Variants in OTC observed in about 807,000 individuals in gnomAD.
OTC encodes the protein ornithine transcarbamylase, mitochondrial.
A neutral mutation model predicts 30.3 loss-of-function variants in OTC; 3 were observed. That is an observed-to-expected ratio of 0.10 (90% CI 0.05 to 0.26). The LOEUF (loss-of-function observed/expected upper bound fraction) is 0.26. OTC is among the 10% of genes least tolerant of loss of function. The pLI is 1.00. For synonymous variants in OTC, 111 were observed against 99.7 expected (o/e 1.11, Z -0.67); for missense variants, 194 against 260.3 (o/e 0.75, Z 1.75).
At chrX:38,418,570 T>C (rs1375747193) in intron 9 of OTC, among the ~76,000 whole-genome samples, 2 of 112,245 alleles carry the variant, frequency 1.8e-5, no homozygotes, top group African/African-American at 6.5e-5. Flanking sequence ...GAGCTTGATA[T>C]GGTTTGGCTG....
chrX:38,396,460 C>T (rs1436903751), intron 4 of OTC, among the ~76,000 whole-genome samples: 1 of 111,281 alleles, frequency 9.0e-6, no homozygotes, highest in Non-Finnish European at 1.9e-5. Context: ...TCCAGAGAAA[C>T]AGAAAAGTGA....
intron 1 of OTC, among the ~76,000 whole-genome samples, chrX:38,364,136 T>C (rs1452582797): frequency 2.7e-5 from 3 of 111,427 alleles, no homozygotes; most frequent in African/African-American, 9.8e-5. Flanking sequence ...AAAAAATAAA[T>C]AAATAAATAA....
Position 38,367,302 on chromosome X carries a change from C to A in OTC, c.89C>A (p.Pro30Gln), listed in dbSNP as rs753712951. The change falls in exon 2 of 10, where the codon CCA becomes CAA. Residue 30 changes from proline to glutamine, a missense_variant. By Grantham distance (76) the Pro-to-Gln change is moderately conservative. Transcript: ENST00000039007. Reference sequence around the variant, plus strand: ...ATCTCTTTTTACAGGTGTGGACAACCACTACAAAATAAAGTGCAGCTGAAG... The same window carrying A: ...ATCTCTTTTTACAGGTGTGGACAACAACTACAAAATAAAGTGCAGCTGAAG... ...FMVRNFRCGQ[P>Q]LQNKVQLKGR... is the part of the protein sequence containing the mutation. 6.6e-6 allele frequency: 8 copies of A among 1,205,603 alleles called. No homozygotes were observed. The Admixed American group carries it at 1.8e-4, about 26-fold the overall frequency.
intron 3 of OTC, among the ~76,000 whole-genome samples, chrX:38,372,526 A>C (rs2068328214): frequency 8.9e-6 from 1 of 112,785 alleles, no homozygotes; most frequent in Admixed American, 9.4e-5. Flanking sequence ...TTGTTAAATG[A>C]TGGTTTTCTA....
At chrX:38,383,627 G>T (rs1657122863) in intron 4 of OTC, among the ~76,000 whole-genome samples, 1 of 109,800 alleles carries the variant, frequency 9.1e-6, no homozygotes, top group South Asian at 3.9e-4. Flanking sequence ...GAGAAACCCC[G>T]TCTCTACTAA....
upstream of OTC, chrX:38,352,469 C>T (rs2068222692): frequency 2.6e-6 from 1 of 381,169 alleles, no homozygotes; most frequent in East Asian, 4.5e-5. Context: ...GGATTTCTTC[C>T]AAAAAAAATA....
At chrX:38,338,578 C>G in the OTC span, among the ~76,000 whole-genome samples, 3 of 112,243 alleles carry the variant, frequency 2.7e-5, no homozygotes, top group Non-Finnish European at 3.7e-5. Flanking sequence ...CCACACTTTG[C>G]CCCCTTCCTT....
chrX:38,409,106 G>A (rs1029777254), intron 8 of OTC, 81 bp downstream of exon 8: 1 of 1,001,705 alleles, frequency 1.0e-6, no homozygotes, highest in Non-Finnish European at 1.4e-6. Flanking sequence ...TCACTTTAGG[G>A]GGAGCAGACT....
At chrX:38,348,541 C>CT (rs35261069), upstream of OTC, among the ~76,000 whole-genome samples, 548 of 88,758 alleles carry the variant, frequency 6.2e-3, 18 homozygotes, top group African/African-American at 0.021. Context: ...CTTTTTTTTT[C>CT]TTTTTTTTTT....
chrX:38,337,787 T>C, the OTC span, among the ~76,000 whole-genome samples: 1 of 111,791 alleles, frequency 8.9e-6, no homozygotes, highest in African/African-American at 3.3e-5. Flanking sequence ...GGAAGCTCTT[T>C]GGCCTTGTCT....
At chrX:38,334,875 C>T in the OTC span, among the ~76,000 whole-genome samples, 1 of 111,458 alleles carries the variant, frequency 9.0e-6, no homozygotes, top group Non-Finnish European at 1.9e-5. Flanking sequence ...ACCGCCTGAG[C>T]TTCACCTCCT....
intron 4 of OTC, among the ~76,000 whole-genome samples, chrX:38,394,901 G>C (rs764461097): frequency 6.3e-5 from 7 of 110,798 alleles, no homozygotes; most frequent in Admixed American, 1.9e-4. Flanking sequence ...TCTGGGGGGG[G>C]GCAGGGCAGA....
intron 6 of OTC, among the ~76,000 whole-genome samples, chrX:38,407,808 G>A (rs2068522453): frequency 8.9e-6 from 1 of 112,177 alleles, no homozygotes; most frequent in Admixed American, 9.4e-5. Context: ...TAAGAAACAA[G>A]TAGTAAACAT....
intron 4 of OTC, among the ~76,000 whole-genome samples, chrX:38,392,551 T>C (rs2068433956): frequency 8.9e-6 from 1 of 112,276 alleles, no homozygotes; most frequent in Non-Finnish European, 1.9e-5. Context: ...TTAAAGATCT[T>C]TAGTAGCCTG....
chrX:38,401,713 G>C (rs2068489852), intron 5 of OTC, among the ~76,000 whole-genome samples: 1 of 111,435 alleles, frequency 9.0e-6, no homozygotes, highest in East Asian at 2.8e-4. Context: ...TTAACACAAT[G>C]AATGAATAGA....
upstream of OTC, among the ~76,000 whole-genome samples, chrX:38,348,157 G>A (rs1010941177): frequency 2.7e-5 from 3 of 111,499 alleles, no homozygotes; most frequent in African/African-American, 6.5e-5. Flanking sequence ...TTTCTAAATC[G>A]CTCTTGCATC....
the OTC span, among the ~76,000 whole-genome samples, chrX:38,335,570 A>G: frequency 1.8e-5 from 2 of 112,636 alleles, no homozygotes; most frequent in Admixed American, 9.4e-5. Flanking sequence ...GAAAAAATTG[A>G]GGAGGAGACA....
intron 9 of OTC, among the ~76,000 whole-genome samples, chrX:38,415,353 A>G (rs1162148250): frequency 9.1e-6 from 1 of 109,402 alleles, no homozygotes; most frequent in Non-Finnish European, 1.9e-5. Flanking sequence ...TGCTGGGATT[A>G]TAGGTGTGAG....
chrX:38,376,359 A>G (rs2068347943), intron 3 of OTC, among the ~76,000 whole-genome samples: 1 of 112,235 alleles, frequency 8.9e-6, no homozygotes, highest in South Asian at 3.6e-4. Context: ...GACATAAGGG[A>G]GAAAGGGAGG....
Sources: allele counts gnomAD v4.1 joint callset (sites outside exome capture counted in the v4.1 genomes callset), GRCh38; gene constraint gnomAD v4.1.1; transcripts MANE v1.5; gene names NCBI Gene and HGNC (gene_info 2026-07-23, HGNC 2026-07-21).